Variants in KCNMA1 observed in about 807,000 individuals in gnomAD.
KCNMA1 encodes potassium calcium-activated channel subfamily M alpha 1, also known as Calcium-activated potassium channel subunit alpha-1.
Under a neutral mutation model 140.0 loss-of-function variants are expected in KCNMA1, and 29 were observed. The ratio of observed to expected loss-of-function variants is 0.21; its 90% CI spans 0.15 to 0.28. The LOEUF is 0.28. Ranked by LOEUF, KCNMA1 falls within the 10% of genes least tolerant of loss-of-function variation. The probability of loss-of-function intolerance (pLI) is 1.00; values close to 1 mark genes in which losing one functional copy is unlikely to be tolerated. For synonymous variants in KCNMA1, 612 were observed against 611.9 expected (o/e 1.00, Z 0.00); for missense variants, 880 against 1,602.2 (o/e 0.55, Z 7.70).
At chr10:77,620,806 G>T (rs1470261964) in intron 1 of KCNMA1, among the ~76,000 whole-genome samples, 1 of 152,158 alleles carries the variant, frequency 6.6e-6, no homozygotes, top group African/African-American at 2.4e-5. Context: ...AATTTGTTGT[G>T]TAAGGGTTTT....
intron 1 of KCNMA1, chr10:77,634,537 T>C: frequency 2.1e-6 from 2 of 974,922 alleles, no homozygotes; most frequent in Middle Eastern, 5.2e-4. Context: ...GAATTTTATC[T>C]CCCACAGAAT....
intron 22 of KCNMA1, among the ~76,000 whole-genome samples, chr10:76,946,861 C>G (rs1489615022): frequency 6.6e-6 from 1 of 152,166 alleles, no homozygotes; most frequent in Non-Finnish European, 1.5e-5. Flanking sequence ...GCTTATGTTT[C>G]TCTGGGCTGG....
At chr10:77,515,740 C>T (rs1168239174) in intron 1 of KCNMA1, among the ~76,000 whole-genome samples, 1 of 139,676 alleles carries the variant, frequency 7.2e-6, no homozygotes, top group Non-Finnish European at 1.5e-5. Flanking sequence ...CCACCCAGGG[C>T]TAACTCCTCT....
At chr10:77,077,063 G>T (rs1651500741) in intron 13 of KCNMA1, among the ~76,000 whole-genome samples, 1 of 152,114 alleles carries the variant, frequency 6.6e-6, no homozygotes, top group South Asian at 2.1e-4. Context: ...ATGTTGAAAG[G>T]GAAGAGGAAG....
At chr10:77,230,893 G>A (rs990571430) in intron 3 of KCNMA1, among the ~76,000 whole-genome samples, 1 of 152,010 alleles carries the variant, frequency 6.6e-6, no homozygotes, top group Non-Finnish European at 1.5e-5. Context: ...GTCTTCAAGG[G>A]AAGTCCACTT....
At chr10:77,508,605 G>A (rs1377417702) in intron 1 of KCNMA1, among the ~76,000 whole-genome samples, 1 of 102,816 alleles carries the variant, frequency 9.7e-6, no homozygotes, top group African/African-American at 4.5e-5. Flanking sequence ...TTTTGTAGAG[G>A]TGCTCTCTCC....
At chr10:77,623,676 C>A (rs1464499286) in intron 1 of KCNMA1, among the ~76,000 whole-genome samples, 4 of 151,462 alleles carry the variant, frequency 2.6e-5, no homozygotes, top group South Asian at 4.2e-4. Flanking sequence ...GCACCCTAGC[C>A]TGGACGACAG....
intron 1 of KCNMA1, among the ~76,000 whole-genome samples, chr10:77,555,042 T>G (rs1007815097): frequency 7.9e-6 from 1 of 126,776 alleles, no homozygotes; most frequent in African/African-American, 3.4e-5. Context: ...TGATCATCTC[T>G]TCACTCTTAC....
At chr10:77,112,834 C>G (rs2097358224) in intron 6 of KCNMA1, among the ~76,000 whole-genome samples, 1 of 147,562 alleles carries the variant, frequency 6.8e-6, no homozygotes, top group African/African-American at 2.4e-5. Context: ...CTTCTTCTTG[C>G]CATGTACATA....
At chr10:77,511,299 C>T (rs1300134236) in intron 1 of KCNMA1, among the ~76,000 whole-genome samples, 1 of 152,214 alleles carries the variant, frequency 6.6e-6, no homozygotes, top group Non-Finnish European at 1.5e-5. Context: ...CCCTCACATA[C>T]AAGTTTAATA....
intron 1 of KCNMA1, among the ~76,000 whole-genome samples, chr10:77,500,107 GTATA>G (rs1408571602): frequency 6.6e-6 from 1 of 151,140 alleles, no homozygotes; most frequent in Non-Finnish European, 1.5e-5. Flanking sequence ...ATAAAGAAAA[GTATA>G]AAATAAAAAA....
intron 1 of KCNMA1, among the ~76,000 whole-genome samples, chr10:77,584,975 C>T: frequency 6.6e-6 from 1 of 152,236 alleles, no homozygotes; most frequent in East Asian, 1.9e-4. Context: ...CTCTCAGCCA[C>T]TCTAGCCCTT....
intron 3 of KCNMA1, among the ~76,000 whole-genome samples, chr10:77,205,974 G>A (rs1286619439): frequency 6.6e-6 from 1 of 152,134 alleles, no homozygotes; most frequent in African/African-American, 2.4e-5. Flanking sequence ...TGTTTATTAT[G>A]AGCAACAGAA....
At position 77,073,223 on chromosome 10, in the gene KCNMA1, A is replaced by G. The variant is rs762789995; in HGVS notation, c.1623T>C (p.Asn541=). The change falls in exon 14 of 28, where the codon AAT becomes AAC. Residue 541 remains asparagine, a synonymous_variant. Coordinates refer to ENST00000286628, the MANE Select transcript of KCNMA1 (RefSeq NM_001161352.2). ...AGATTGCGTCATCACCTTCTTTCCA[A>G]TTCCAGCTCGGGATGTTTAGCAGAT... ...KAHLLNIPSW[N]WKEGDDAICL... is the part of the protein sequence containing the mutation. 2.5e-6 allele frequency: 4 copies of G among 1,614,198 alleles called. No homozygotes were observed. The highest frequency in any genetic ancestry group is 1.7e-6 in the Non-Finnish European group (2 of 1,180,026).
chr10:77,434,350 G>C (rs764059271), intron 1 of KCNMA1, among the ~76,000 whole-genome samples: 31 of 152,326 alleles, frequency 2.0e-4, no homozygotes, highest in Middle Eastern at 6.8e-3. Context: ...GAGGTATCTT[G>C]TTCTGGACAG....
At chr10:77,246,120 C>T (rs1664049586) in intron 3 of KCNMA1, among the ~76,000 whole-genome samples, 1 of 152,192 alleles carries the variant, frequency 6.6e-6, no homozygotes, top group Non-Finnish European at 1.5e-5. Flanking sequence ...GATGCAACTT[C>T]CCATTCTTGC....
Position 76,886,602 on chromosome 10 carries a change from G to A in KCNMA1, c.*664C>T. ...TGAGAAATGTTCATAAGAACTCCCA[G>A]AGGGAACTGGCTCTGGGACAAAAGG... On this transcript the variant is annotated 3_prime_UTR_variant, in exon 28 of 28. Transcript: ENST00000286628. The A allele has an allele frequency of 7.1e-6, 7 of 988,994 alleles. No individual in the cohort carries two copies. Among genetic ancestry groups the A allele is most frequent in the Non-Finnish European group, 8.4e-6 (7 of 832,246 alleles). 61.3% of individuals were successfully genotyped at this position (988,994 alleles called of 1,614,324 possible).
At chr10:77,334,780 T>C (rs1476063261) in intron 2 of KCNMA1, among the ~76,000 whole-genome samples, 1 of 152,238 alleles carries the variant, frequency 6.6e-6, no homozygotes, top group East Asian at 1.9e-4. Flanking sequence ...TAAATTTGTC[T>C]ATTACTCATA....
At chr10:77,348,916 T>C (rs2092544341) in intron 2 of KCNMA1, among the ~76,000 whole-genome samples, 1 of 152,326 alleles carries the variant, frequency 6.6e-6, no homozygotes, top group African/African-American at 2.4e-5. Context: ...TCTCTCACAC[T>C]CTTTCTCTGA....
Sources: gnomAD v4.1 joint callset for allele counts (sites outside exome capture counted in the v4.1 genomes callset) on GRCh38, gnomAD v4.1.1 for gene constraint, MANE v1.5 for transcripts, NCBI Gene and HGNC (gene_info 2026-07-23, HGNC 2026-07-21) for gene names.